The following AFM variants were observed in gnomAD, a reference collection of about 807,000 sequenced individuals.
The protein encoded by AFM is afamin.
A neutral mutation model predicts 68.7 loss-of-function variants in AFM; 82 were observed. That is an observed-to-expected ratio of 1.19 (90% CI 1.00 to 1.43). The LOEUF (loss-of-function observed/expected upper bound fraction) is 1.43, where lower values mean the gene tolerates loss of function less well. Among genes scored for constraint, AFM ranks in the 40% most tolerant of loss-of-function variants. AFM has a pLI of 0.00. For synonymous variants in AFM, 250 were observed against 234.2 expected (o/e 1.07, Z -0.61); for missense variants, 772 against 701.8 (o/e 1.10, Z -1.13).
chr4:73,482,792 A>G (rs1200159505), intron 1 of AFM, among the ~76,000 whole-genome samples: 1 of 152,066 alleles, frequency 6.6e-6, no homozygotes, highest in African/African-American at 2.4e-5. Flanking sequence ...TTATTTGACA[A>G]TAGTTCTTTC....
chr4:73,484,977 C>T (rs1016608924), intron 3 of AFM, among the ~76,000 whole-genome samples: 3 of 152,156 alleles, frequency 2.0e-5, no homozygotes, highest in Non-Finnish European at 4.4e-5. Context: ...AGGTACTTTC[C>T]TTGGAAAAGA....
At position 73,499,554 on chromosome 4, in the gene AFM, T is replaced by C; in HGVS notation, c.1422+308T>C. On this transcript the variant is annotated intron_variant, in intron 11 of 14. Transcript: ENST00000226355. ...TGTTTCAAAATGATACAGGAAACTT[T>C]ATAATTTTAAGTAAGGTTACAGATT... 1.3e-5 allele frequency among the ~76,000 whole-genome samples: 2 copies of C among 152,192 alleles called. 1 individual carries two copies. Among genetic ancestry groups the C allele is most frequent in the South Asian group, 4.1e-4 (2 of 4,836 alleles).
At chr4:73,493,124 G>A (rs1171606957) in intron 8 of AFM, among the ~76,000 whole-genome samples, 1 of 152,134 alleles carries the variant, frequency 6.6e-6, no homozygotes, top group Non-Finnish European at 1.5e-5. Context: ...ATGAATTGAA[G>A]TTTATAATGG....
chr4:73,491,648 A>AT (rs1300255196), intron 7 of AFM, among the ~76,000 whole-genome samples: 3 of 152,318 alleles, frequency 2.0e-5, no homozygotes, highest in East Asian at 3.9e-4. Flanking sequence ...AGTACAGCCT[A>AT]TTTTTTCATA....
intron 13 of AFM, among the ~76,000 whole-genome samples, chr4:73,502,276 G>C (rs1721441093): frequency 6.6e-6 from 1 of 152,156 alleles, no homozygotes; most frequent in Non-Finnish European, 1.5e-5. Context: ...TAATAAGACA[G>C]AGTCAAAGCG....
chr4:73,487,811 G>A lies in AFM; in HGVS notation c.703G>A (p.Val235Ile). Residue 235 changes from valine to isoleucine, a missense_variant, in exon 6 of 15, where the codon GTA (valine) becomes ATA (isoleucine). Val to Ile is a conservative substitution (Grantham distance 29). Transcript: ENST00000226355. Reference protein sequence around the residue: ...GALLKFGTKVVHFIYIAILSQ... With the variant: ...GALLKFGTKVIHFIYIAILSQ... ...ACTTTTGAAATTTGGAACCAAAGTTGTACACTTTATGTGAGTTTTATACTA... is the reference window on the plus strand; with the variant it reads ...ACTTTTGAAATTTGGAACCAAAGTTATACACTTTATGTGAGTTTTATACTA... 1 of 1,599,486 alleles carries A rather than the reference G, an allele frequency of 6.3e-7. No homozygotes were observed. Among genetic ancestry groups the A allele is most frequent in the Non-Finnish European group, 8.6e-7 (1 of 1,167,028 alleles).
rs781560374 is a variant in AFM at position 73,491,930 on chromosome 4, A to G, written c.902A>G (p.Glu301Gly). ...KQDSISSKIK[E>G]CCEKKIPERG... is the part of the protein sequence containing the mutation. The stretch of plus-strand genomic sequence containing the variant: ...GATTCTATCTCCAGCAAAATCAAAG[A>G]GTGCTGTGAAAAGAAAATACCAGAG... Residue 301 changes from glutamate (E) to glycine (G), a missense_variant, in exon 8 of 15, where the codon GAG becomes GGG. Glu to Gly is a moderately conservative substitution (Grantham distance 98, BLOSUM62 -2). Transcript: ENST00000226355. The G allele has an allele frequency of 1.9e-6, 3 of 1,614,058 alleles. No homozygotes were observed. The highest frequency in any genetic ancestry group is 2.5e-6 in the Non-Finnish European group (3 of 1,179,958).
At chr4:73,490,315 G>A (rs1252432519) in intron 7 of AFM, among the ~76,000 whole-genome samples, 1 of 152,134 alleles carries the variant, frequency 6.6e-6, no homozygotes, top group Non-Finnish European at 1.5e-5. Flanking sequence ...GACAACAGAT[G>A]TTCCCAATAA....
intron 14 of AFM, among the ~76,000 whole-genome samples, 181 bp from the exon 15 acceptor site, chr4:73,503,695 A>G (rs571765527): frequency 2.2e-4 from 33 of 152,242 alleles, no homozygotes; most frequent in African/African-American, 7.9e-4. Context: ...TTGCGTAGAT[A>G]TAGGAGTTAT....
intron 1 of AFM, 37 bp downstream of exon 1, chr4:73,481,900 C>A: frequency 7.5e-7 from 1 of 1,341,264 alleles, no homozygotes; most frequent in Non-Finnish European, 1.0e-6. Flanking sequence ...AAAGCATGAC[C>A]AGTTAGGATA....
intron 7 of AFM, among the ~76,000 whole-genome samples, chr4:73,489,869 CG>C (rs1315234935): frequency 6.6e-6 from 1 of 152,036 alleles, no homozygotes; most frequent in Admixed American, 6.6e-5. Flanking sequence ...CTCATGCATG[CG>C]GGGCTTAAAA....
At chr4:73,491,768 G>C in intron 7 of AFM, 104 bp from the exon 8 acceptor site, 1 of 948,404 alleles carries the variant, frequency 1.1e-6, no homozygotes, top group Non-Finnish European at 1.6e-6. Context: ...TTGATGAAGT[G>C]ATTCCAGATG....
intron 12 of AFM, among the ~76,000 whole-genome samples, chr4:73,500,691 C>T (rs1210668829): frequency 6.6e-6 from 1 of 152,170 alleles, no homozygotes; most frequent in Non-Finnish European, 1.5e-5. Context: ...GTGGAGACAA[C>T]ATTCAGCTAC....
At chr4:73,483,015 T>C (rs570193284) in intron 1 of AFM, among the ~76,000 whole-genome samples, 1 of 152,332 alleles carries the variant, frequency 6.6e-6, no homozygotes, top group African/African-American at 2.4e-5. Flanking sequence ...CTATCCTAGG[T>C]ACCATTATTC....
rs767460010 is a variant in AFM at position 73,500,059 on chromosome 4, C to T, written c.1478C>T (p.Pro493Leu). The T allele has an allele frequency of 6.2e-7, 1 of 1,614,020 alleles. No individual in the cohort carries two copies. Among genetic ancestry groups the T allele is most frequent in the African/African-American group, 1.3e-5 (1 of 75,044 alleles). The change falls in exon 12 of 15, where the codon CCT (proline) becomes CTT (leucine). Residue 493 changes from proline (P) to leucine (L), a missense_variant. Coordinates refer to ENST00000226355, the MANE Select transcript of AFM (RefSeq NM_001133.2). ...CGVNENRTIN[P>L]AVDHCCKTNF... ...GTAAATGAAAATCGAACTATCAACC[C>T]TGCTGTGGACCACTGCTGTAAAACA...
intron 5 of AFM, 100 bp downstream of exon 5, chr4:73,487,199 A>T (rs2071098): frequency 7.8e-7 from 1 of 1,277,932 alleles, no homozygotes; most frequent in Non-Finnish European, 1.1e-6. Flanking sequence ...CTTACCATAT[A>T]TGATGTTCTC....
rs1720793018 is a variant in AFM at position 73,484,243 on chromosome 4, T to C, written c.138-15T>C. On this transcript the variant is annotated splice_polypyrimidine_tract_variant and intron_variant, in intron 2 of 14. Transcript: ENST00000226355. ...CTGCAACTGATCTTTGTATACCCCA[T>C]GTGAACTGTTGCAGCACCATCATTG... The C allele has an allele frequency of 1.2e-6, 2 of 1,601,626 alleles. No individual in the cohort carries two copies. Among genetic ancestry groups the C allele is most frequent in the East Asian group, 2.2e-5 (1 of 44,518 alleles).
In AFM at chr4:73,492,046, T is replaced by C. The variant is rs534173986; in HGVS notation, c.1018T>C (p.Cys340Arg). The C allele has an allele frequency of 6.2e-7, 1 of 1,612,980 alleles. No individual in the cohort carries two copies. Among genetic ancestry groups the C allele is most frequent in the Admixed American group, 1.7e-5 (1 of 59,678 alleles). The change falls in exon 8 of 15, where the codon TGT becomes CGT. Residue 340 changes from cysteine to arginine, a missense_variant. Transcript: ENST00000226355. The part of the protein sequence containing the change: ...EGKFTDSENV[C>R]QERDADPDTF... The stretch of plus-strand genomic sequence containing the variant: ...AAAATTTACTGACAGTGAAAATGTG[T>C]GTCAAGAACGAGATGCTGACCCAGA...
chr4:73,484,105 T>C, intron 2 of AFM, 116 bp downstream of exon 2: 1 of 1,365,848 alleles, frequency 7.3e-7, no homozygotes, highest in South Asian at 1.6e-5. Flanking sequence ...AAGACAACTT[T>C]AATTATAAAA....
Sources: gnomAD v4.1 joint callset for allele counts (sites outside exome capture counted in the v4.1 genomes callset) on GRCh38, gnomAD v4.1.1 for gene constraint, MANE v1.5 for transcripts, NCBI Gene and HGNC (gene_info 2026-07-23, HGNC 2026-07-21) for gene names.